Variants in NOBOX observed in about 807,000 individuals in gnomAD.
The protein encoded by NOBOX is NOBOX oogenesis homeobox.
In NOBOX, 46 loss-of-function variants were observed where a neutral mutation model predicts 60.2. That is an observed-to-expected ratio of 0.76 (90% CI 0.60 to 0.98). NOBOX has a LOEUF of 0.98. Among genes scored for constraint, NOBOX ranks in the 50% least tolerant of loss-of-function variants. The probability of loss-of-function intolerance (pLI) is 0.00; values close to 1 mark genes in which losing one functional copy is unlikely to be tolerated. For missense variants in NOBOX, 880 were observed against 865.5 expected, an observed-to-expected ratio of 1.02 and a Z score of -0.21; for synonymous variants, 360 against 346.3, an observed-to-expected ratio of 1.04 and a Z score of -0.44.
chr7:144,400,436 C>T, intron 4 of NOBOX, 124 bp from the exon 3 acceptor site: 1 of 809,824 alleles, frequency 1.2e-6, no homozygotes, highest in East Asian at 2.6e-5. Context: ...AACACTTTCC[C>T]AAAGCCTTTT....
chr7:144,406,228 A>G (rs1319430387), intron 1 of NOBOX, among the ~76,000 whole-genome samples: 1 of 152,188 alleles, frequency 6.6e-6, no homozygotes, highest in Admixed American at 6.5e-5. Context: ...TGAGTCTACA[A>G]TAGATTTGCA....
At chr7:144,404,823 C>G (rs1563130986) in intron 1 of NOBOX, 2 of 1,021,636 alleles carry the variant, frequency 2.0e-6, no homozygotes, top group South Asian at 3.3e-5. Flanking sequence ...TTCTTACTAT[C>G]TTTATACAAA....
chr7:144,403,790 GC>G (rs2053962341), intron 2 of NOBOX, 97 bp from the exon 1 acceptor site: 4 of 501,412 alleles, frequency 8.0e-6, no homozygotes, highest in Admixed American at 4.1e-5. Flanking sequence ...CACGGGCCGG[GC>G]CGGGCCGGGG....
At position 144,399,035 on chromosome 7, in the gene NOBOX, T is replaced by A; in HGVS notation, c.1384A>T (p.Thr462Ser). Residue 462 changes from threonine (T) to serine (S), a missense_variant, in exon 8 of 10, where the codon ACC (threonine) becomes TCC (serine). By Grantham distance (58) the Thr-to-Ser change is moderately conservative. Transcript: ENST00000467773. ...ATCAGCAGTGGCATCAGTTGGGGGG[T>A]GTGGACAGGGCCAAGGGGGAAAGGA... is the stretch of plus-strand genomic sequence containing the variant. 1 of 1,584,538 alleles carries A rather than the reference T, an allele frequency of 6.3e-7. No homozygotes were observed. The highest frequency in any genetic ancestry group is 8.6e-7 in the Non-Finnish European group (1 of 1,167,396).
intron 2 of NOBOX, among the ~76,000 whole-genome samples, chr7:144,402,166 A>G (rs1028582638): frequency 6.6e-6 from 1 of 151,520 alleles, no homozygotes. Flanking sequence ...AGCTCCATAC[A>G]TGCCCCCCCG....
intron 2 of NOBOX, chr7:144,404,428 T>C (rs746496920): frequency 9.2e-5 from 71 of 773,556 alleles, no homozygotes; most frequent in Non-Finnish European, 1.3e-4. Flanking sequence ...TTTGTATTTT[T>C]AGTAGAGACG....
At position 144,401,904 on chromosome 7, in the gene NOBOX, A is replaced by G. The variant is rs2053942836; in HGVS notation, c.257T>C (p.Ile86Thr). 6.2e-7 allele frequency: 1 copy of G among 1,612,636 alleles called. No individual in the cohort carries two copies. The highest frequency in any genetic ancestry group is 1.7e-5 in the Admixed American group (1 of 60,010). The change falls in exon 3 of 10, where the codon ATA becomes ACA. Residue 86 changes from isoleucine to threonine, a missense_variant. Ile to Thr is a moderately conservative substitution (Grantham distance 89). Coordinates refer to ENST00000467773, the MANE Select transcript of NOBOX (RefSeq NM_001080413.3). This position sits in a 1 kb window ranked among gnomAD's most constrained non-coding sequence, Gnocchi z 4.2. ...TTCCCTTTTCCCAGACACCAGGGGT[A>G]TGAGTTTGAGGGACTGTTCAGGTAT...
At chr7:144,407,432 G>T (rs921479973) in intron 1 of NOBOX, among the ~76,000 whole-genome samples, 6 of 152,212 alleles carry the variant, frequency 3.9e-5, no homozygotes, top group Non-Finnish European at 7.4e-5. Context: ...CAGCCAGGGA[G>T]ATCGTAGTCA....
chr7:144,398,256 G>T, intron 9 of NOBOX, 26 bp downstream of exon 7: 1 of 1,535,034 alleles, frequency 6.5e-7, no homozygotes, highest in South Asian at 1.2e-5. Flanking sequence ...ATCTCAAGGG[G>T]ACCTTCTCTC....
At position 144,397,333 on chromosome 7, in the gene NOBOX, G is replaced by T. The variant is rs1193019862; in HGVS notation, c.1983C>A (p.Ser661Arg). The stretch of plus-strand genomic sequence containing the variant: ...CAGCTGGTGGTTCCTCTTTTGCCTT[G>T]CTGAGTAAGGGCCCAGTCCCTGGTC... The change falls in exon 10 of 10, where the codon AGC becomes AGA. Residue 661 changes from serine (S) to arginine (R), a missense_variant. By Grantham distance (110) the Ser-to-Arg change is moderately radical. Transcript: ENST00000467773. The T allele has an allele frequency of 3.9e-6, 6 of 1,537,288 alleles. No homozygotes were observed. The South Asian group carries it at 5.9e-5, about 15-fold the overall frequency.
chr7:144,400,427 A>C, intron 4 of NOBOX, 115 bp from the exon 3 acceptor site: 1 of 862,998 alleles, frequency 1.2e-6, no homozygotes, highest in Non-Finnish European at 1.8e-6. Flanking sequence ...CCCTAACCCA[A>C]CACTTTCCCA....
rs185193292 is a variant in NOBOX at position 144,400,083 on chromosome 7, C to T, written c.1047+27G>A. 2.1e-4 allele frequency: 334 copies of T among 1,602,002 alleles called. 2 individuals are homozygous for T. Among genetic ancestry groups the T allele is most frequent in the South Asian group, 5.6e-4 (51 of 90,782 alleles). On this transcript the variant is annotated intron_variant, in intron 5 of 9. Coordinates refer to ENST00000467773, the MANE Select transcript of NOBOX (RefSeq NM_001080413.3). Reference sequence around the variant, plus strand: ...CTGGAAACAGTCAGGGACACAGCCACGTCTGAGGCCTCAATTCAGCTCCTA... The same window carrying T: ...CTGGAAACAGTCAGGGACACAGCCATGTCTGAGGCCTCAATTCAGCTCCTA...
chr7:144,400,335 TGAG>T (rs1414824523), intron 4 of NOBOX, 23 bp from the exon 3 acceptor site: 4 of 1,607,174 alleles, frequency 2.5e-6, no homozygotes, highest in Admixed American at 1.7e-5. Flanking sequence ...GAAACTTGTG[TGAG>T]GAGGACAAAT....
Position 144,398,393 on chromosome 7 carries a change from C to G in NOBOX, c.1663G>C (p.Glu555Gln). 1 of 1,537,178 alleles carries G rather than the reference C, an allele frequency of 6.5e-7. No homozygotes were observed. Among genetic ancestry groups the G allele is most frequent in the Non-Finnish European group, 8.7e-7 (1 of 1,146,888 alleles). Residue 555 changes from glutamate to glutamine, a missense_variant, in exon 9 of 10, where the codon GAA becomes CAA. Coordinates refer to ENST00000467773, the MANE Select transcript of NOBOX (RefSeq NM_001080413.3). The stretch of plus-strand genomic sequence containing the variant: ...CAGGGAAACATAAAGAGAGAGTCTT[C>G]GGGCGGTGGAAGCGTCAGTGAACTG...
rs1173295871 is a variant in NOBOX at position 144,398,956 on chromosome 7, C to T, written c.1463G>A (p.Gly488Glu). 3 of 1,551,042 alleles carry T rather than the reference C, an allele frequency of 1.9e-6. No homozygotes were observed. Among genetic ancestry groups the T allele is most frequent in the Non-Finnish European group, 2.6e-6 (3 of 1,143,486 alleles). The change falls in exon 8 of 10, where the codon GGG becomes GAG. Residue 488 changes from glycine (G) to glutamate (E), a missense_variant. Transcript: ENST00000467773. ...ACCCCCGTAGGTTCCTTACCTTGTC[C>T]CCCAGGACCCACAGGGGCCGTCCTT... is the stretch of plus-strand genomic sequence containing the variant.
chr7:144,403,359 G>C (rs2053956592), intron 2 of NOBOX, among the ~76,000 whole-genome samples: 1 of 152,126 alleles, frequency 6.6e-6, no homozygotes, highest in Non-Finnish European at 1.5e-5. Flanking sequence ...AGTAAGAAGG[G>C]GACGGGTGTC....
In NOBOX at chr7:144,400,247, C is replaced by T; in HGVS notation, c.910G>A (p.Glu304Lys). Residue 304 changes from glutamate (E) to lysine (K), a missense_variant, in exon 5 of 10, where the codon GAG becomes AAG. Transcript: ENST00000467773. The stretch of plus-strand genomic sequence containing the variant: ...GTCACCCCCACCGTCTGGGCAATCT[C>T]TCGGCGTTTATCACTGTCAGGATAG... 1 of 1,614,092 alleles carries T rather than the reference C, an allele frequency of 6.2e-7. No individual in the cohort carries two copies. Among genetic ancestry groups the T allele is most frequent in the Non-Finnish European group, 8.5e-7 (1 of 1,179,910 alleles).
Position 144,398,945 on chromosome 7 carries a change from C to T in NOBOX, c.1469+5G>A, listed in dbSNP as rs758913213. Reference sequence around the variant, plus strand: ...TAGAGTGACCTACCCCCGTAGGTTCCTTACCTTGTCCCCCAGGACCCACAG... The same window carrying T: ...TAGAGTGACCTACCCCCGTAGGTTCTTTACCTTGTCCCCCAGGACCCACAG... On this transcript the variant is annotated splice_donor_5th_base_variant and intron_variant, in intron 8 of 9. Coordinates refer to ENST00000467773, the MANE Select transcript of NOBOX (RefSeq NM_001080413.3). 140 of 1,531,354 alleles carry T rather than the reference C, an allele frequency of 9.1e-5. No individual in the cohort carries two copies. The Middle Eastern group carries it at 2.2e-3, about 24-fold the overall frequency. 94.9% of individuals were successfully genotyped at this position (1,531,354 alleles called of 1,614,324 possible). A position where few individuals can be genotyped will look rare whatever the true frequency, so the allele number is the denominator to read the frequency against.
chr7:144,407,459 G>A (rs1199666191), intron 1 of NOBOX, among the ~76,000 whole-genome samples: 2 of 152,340 alleles, frequency 1.3e-5, no homozygotes, highest in East Asian at 3.9e-4. Context: ...GGTATGGGAG[G>A]TCAGGGCCCC....
Sources: allele counts gnomAD v4.1 joint callset (sites outside exome capture counted in the v4.1 genomes callset), GRCh38; gene constraint gnomAD v4.1.1; non-coding constraint Gnocchi (gnomAD v3.1); transcripts MANE v1.5; gene names NCBI Gene and HGNC (gene_info 2026-07-23, HGNC 2026-07-21).